NBPF8: variants seen among roughly 807,000 people sequenced by gnomAD.
NBPF8 encodes NBPF family member NBPF8.
chr1:120,415,192 C>T (rs1317637146), upstream of NBPF8, among the ~76,000 whole-genome samples: 1 of 152,166 alleles, frequency 6.6e-6, no homozygotes, highest in African/African-American at 2.4e-5. Context: ...CCTGTGGCGC[C>T]AGGAGCGGGC....
At chr1:120,423,443 C>T (rs1660624868) in intron 1 of NBPF8, among the ~76,000 whole-genome samples, 1 of 107,126 alleles carries the variant, frequency 9.3e-6, no homozygotes, top group Non-Finnish European at 1.9e-5. Flanking sequence ...AGGCCTGCTT[C>T]TGGGCTCCGT....
downstream of NBPF8, among the ~76,000 whole-genome samples, chr1:120,469,676 ACT>A (rs1351638470): frequency 1.2e-4 from 18 of 150,256 alleles, no homozygotes; most frequent in African/African-American, 4.4e-4. Context: ...ACTTTACCTA[ACT>A]CTGTGTCATG....
chr1:120,432,367 C>T (rs1191491995), upstream of NBPF8: 2 of 71,144 alleles, frequency 2.8e-5, 1 homozygote, highest in Non-Finnish European at 5.4e-5. Flanking sequence ...TATAAGGGCA[C>T]TGGCTTCTTT....
At chr1:120,415,822 G>A (rs10907358), upstream of NBPF8, among the ~76,000 whole-genome samples, 63,061 of 151,900 alleles carry the variant, frequency 0.42, 13,724 homozygotes, top group African/African-American at 0.49. Flanking sequence ...CAGGATTTCC[G>A]GTAGGTTGGA....
At chr1:120,462,476 T>TA (rs1661619524) in intron 20 of NBPF8, among the ~76,000 whole-genome samples, 2 of 135,388 alleles carry the variant, frequency 1.5e-5, no homozygotes, top group South Asian at 5.4e-4. Context: ...GCCCACTCTT[T>TA]TCATGATCAC....
intron 1 of NBPF8, among the ~76,000 whole-genome samples, chr1:120,421,242 A>T (rs1348448621): frequency 3.3e-5 from 5 of 152,236 alleles, no homozygotes; most frequent in African/African-American, 9.6e-5. Context: ...ATAGTTTTAC[A>T]GTAGTGCGTC....
chr1:120,449,722 C>G (rs1556606463), intron 11 of NBPF8, among the ~76,000 whole-genome samples: 2 of 152,128 alleles, frequency 1.3e-5, no homozygotes, highest in Non-Finnish European at 2.9e-5. Context: ...ATATAAGATC[C>G]TGCAGACAAA....
exon 6 of NBPF8, chr1:120,442,925 T>C: frequency 5.5e-6 from 1 of 182,972 alleles, no homozygotes; most frequent in South Asian, 3.4e-5. Context: ...GAGATGAACA[T>C]TCTAGAAATC....
chr1:120,420,795 G>A lies in NBPF8; in HGVS notation n.269+677G>A, dbSNP rs1273591407. On this transcript the variant is annotated intron_variant and non_coding_transcript_variant, in intron 1 of 28. Coordinates refer to the NBPF8 transcript ENST00000652355. ...TGAGCATTCATGGGGTGACTATTAG[G>A]CACCATGCCCTGCTCTGGGCTAGAG... Among the ~76,000 whole-genome samples, 12 of 149,148 alleles carry A rather than the reference G, an allele frequency of 8.0e-5. No individual in the cohort carries two copies. The East Asian group carries it at 1.5e-3, about 19-fold the overall frequency.
chr1:120,425,174 G>A (rs1275484439), intron 1 of NBPF8, among the ~76,000 whole-genome samples: 1 of 152,110 alleles, frequency 6.6e-6, no homozygotes, highest in African/African-American at 2.4e-5. Flanking sequence ...CACCCGTAAA[G>A]GGTCTGTGCT....
At chr1:120,420,986 A>G (rs1660558675) in intron 1 of NBPF8, among the ~76,000 whole-genome samples, 1 of 144,202 alleles carries the variant, frequency 6.9e-6, no homozygotes, top group Non-Finnish European at 1.5e-5. Flanking sequence ...GTCCAGTGAG[A>G]ATGACAAATG....
chr1:120,446,288 A>G (rs1553248225), intron 8 of NBPF8, among the ~76,000 whole-genome samples: 11 of 60,886 alleles, frequency 1.8e-4, no homozygotes, highest in African/African-American at 6.4e-4. Flanking sequence ...GGCAGCATCT[A>G]TCTAGTTTTA....
At position 120,461,245 on chromosome 1, in the gene NBPF8, CT is replaced by C. The variant is rs1365222782; in HGVS notation, n.2837-5del. 4 of 619,738 alleles carry C rather than the reference CT, an allele frequency of 6.5e-6. No individual in the cohort carries two copies. Among genetic ancestry groups the C allele is most frequent in the East Asian group, 7.1e-5 (2 of 28,020 alleles). The allele number at this position is 619,738 out of a possible 1,614,324, so 38.4% of individuals were successfully genotyped here. Reference sequence around the variant, plus strand: ...ATGGCTTATTCTTTACTTTTTCCCACTTTTCCAGGCTCAGCAGGGAGCTGCT... The same window carrying C: ...ATGGCTTATTCTTTACTTTTTCCCACTTTCCAGGCTCAGCAGGGAGCTGCT... On this transcript the variant is annotated splice_polypyrimidine_tract_variant and splice_region_variant and intron_variant and non_coding_transcript_variant, in intron 18 of 24. Coordinates refer to ENST00000583271, the Ensembl canonical transcript of NBPF8.
In NBPF8 at chr1:120,436,508, G is replaced by A. The variant is rs1490423104; in HGVS notation, n.156G>A. 2,629 of 1,500,648 alleles carry A rather than the reference G, an allele frequency of 1.8e-3. 25 individuals carry two copies. The Middle Eastern group carries it at 0.024, about 14-fold the overall frequency. 93.0% of individuals were successfully genotyped at this position (1,500,648 alleles called of 1,614,324 possible). On this transcript the variant is annotated non_coding_transcript_exon_variant, in exon 1 of 25. Transcript: ENST00000583271. ...CCCAGTCCCTGACTCCACCTCTTCTGCCACAAACGTCAGCATGGTGGTATC... is the reference window on the plus strand; with the variant it reads ...CCCAGTCCCTGACTCCACCTCTTCTACCACAAACGTCAGCATGGTGGTATC...
intron 12 of NBPF8, 51 bp from the exon 11 acceptor site, chr1:120,452,066 G>A (rs1553248906): frequency 2.1e-5 from 30 of 1,410,650 alleles, no homozygotes; most frequent in Middle Eastern, 2.5e-4. Flanking sequence ...ATATTTGAGC[G>A]GATCACTCAA....
intron 3 of NBPF8, among the ~76,000 whole-genome samples, chr1:120,431,292 GT>G (rs1660867067): frequency 8.6e-6 from 1 of 116,350 alleles, no homozygotes; most frequent in Non-Finnish European, 1.7e-5. Flanking sequence ...TATATTCACC[GT>G]TTTGAAGATT....
chr1:120,419,491 T>A (rs1309203602), upstream of NBPF8, among the ~76,000 whole-genome samples: 2 of 150,814 alleles, frequency 1.3e-5, no homozygotes, highest in African/African-American at 2.4e-5. Flanking sequence ...GGACTCTTTA[T>A]TTTTTTTTCC....
intron 3 of NBPF8, among the ~76,000 whole-genome samples, chr1:120,429,411 G>T (rs1335374427): frequency 4.5e-4 from 69 of 152,170 alleles, no homozygotes; most frequent in African/African-American, 1.4e-3. Context: ...AGGTCCTGTG[G>T]CACCTCTCCT....
At chr1:120,464,133 C>CTGTGTG (rs1169651864) in intron 22 of NBPF8, among the ~76,000 whole-genome samples, 35 of 38,970 alleles carry the variant, frequency 9.0e-4, no homozygotes, top group South Asian at 1.6e-3. Context: ...CTCTCTCTCT[C>CTGTGTG]TGTGTGTGTG....
Sources: allele counts gnomAD v4.1 joint callset (sites outside exome capture counted in the v4.1 genomes callset), GRCh38; gene constraint gnomAD v4.1.1; transcripts MANE v1.5; gene names NCBI Gene and HGNC (gene_info 2026-07-23, HGNC 2026-07-21).